Variants in BMPR1B observed in about 807,000 individuals in gnomAD.
BMPR1B encodes the protein bone morphogenetic protein receptor type 1B.
Under a neutral mutation model 59.1 loss-of-function variants are expected in BMPR1B, and 12 were observed. The ratio of observed to expected loss-of-function variants is 0.20; its 90% CI spans 0.13 to 0.33. BMPR1B has a LOEUF of 0.33. BMPR1B is among the 10% of genes least tolerant of loss of function. The pLI is 1.00. For synonymous variants in BMPR1B, 237 were observed against 207.3 expected (o/e 1.14, Z -1.23); for missense variants, 550 against 610.9 (o/e 0.90, Z 1.05).
rs543492240 is a variant in BMPR1B, at chr4:95,109,743, C to T, written c.144-4977C>T. On this transcript the variant is annotated intron_variant, in intron 4 of 12. Transcript: ENST00000515059. ...TTATTATACTTTAAGTTTTAGGGGA[C>T]GTGTGCACAATGTGCAGCTTTGTTA... is the stretch of plus-strand genomic sequence containing the variant. Among the ~76,000 whole-genome samples, 54 of 151,238 alleles carry T rather than the reference C, an allele frequency of 3.6e-4. No homozygotes were observed. In the South Asian group the frequency reaches 8.8e-3, roughly 25 times the overall value.
At chr4:95,115,498 G>C (rs1323907633) in intron 5 of BMPR1B, among the ~76,000 whole-genome samples, 187 bp from the exon 6 acceptor site, 4 of 152,148 alleles carry the variant, frequency 2.6e-5, no homozygotes, top group African/African-American at 9.7e-5. Flanking sequence ...TGCAAAAGTT[G>C]CAATAAGATA....
chr4:94,961,821 T>C (rs1730365070), intron 2 of BMPR1B, among the ~76,000 whole-genome samples: 1 of 152,328 alleles, frequency 6.6e-6, no homozygotes, highest in East Asian at 1.9e-4. Flanking sequence ...TTTTTATGAA[T>C]GCATAATAGT....
At chr4:94,994,489 C>T (rs1030040889) in intron 2 of BMPR1B, among the ~76,000 whole-genome samples, 5 of 152,146 alleles carry the variant, frequency 3.3e-5, no homozygotes, top group African/African-American at 7.2e-5. Context: ...CTTCTTGCTA[C>T]GTTGTTTTAC....
At chr4:94,781,295 A>T (rs1188358860) in intron 1 of BMPR1B, among the ~76,000 whole-genome samples, 1 of 152,132 alleles carries the variant, frequency 6.6e-6, no homozygotes. Context: ...CACTTTCCAG[A>T]TGGTGTCCAT....
intron 3 of BMPR1B, among the ~76,000 whole-genome samples, chr4:95,083,379 C>T (rs556883660): frequency 9.4e-4 from 143 of 151,942 alleles, no homozygotes; most frequent in Non-Finnish European, 2.1e-4. Context: ...TGGTAAATAA[C>T]TATAATCTAT....
chr4:94,933,029 A>G (rs1729154348), intron 2 of BMPR1B, among the ~76,000 whole-genome samples: 1 of 152,132 alleles, frequency 6.6e-6, no homozygotes, highest in African/African-American at 2.4e-5. Context: ...CTACCCAAAG[A>G]TAACCTCTGT....
intron 2 of BMPR1B, among the ~76,000 whole-genome samples, chr4:94,906,046 C>T (rs575880556): frequency 1.3e-5 from 2 of 151,110 alleles, no homozygotes; most frequent in Non-Finnish European, 2.9e-5. Flanking sequence ...AAGGTTTGTT[C>T]TGTTTTTGTC....
chr4:94,967,703 C>T (rs936053297), intron 2 of BMPR1B, among the ~76,000 whole-genome samples: 1 of 151,994 alleles, frequency 6.6e-6, no homozygotes, highest in Non-Finnish European at 1.5e-5. Context: ...AGGCTGGTCT[C>T]GAACTCCTGA....
At chr4:94,975,625 A>G (rs1238546322) in intron 2 of BMPR1B, among the ~76,000 whole-genome samples, 1 of 151,798 alleles carries the variant, frequency 6.6e-6, no homozygotes, top group Non-Finnish European at 1.5e-5. Flanking sequence ...GGCTCAAGCA[A>G]TCCACCCACC....
At chr4:94,917,658 G>T (rs910553763) in intron 2 of BMPR1B, among the ~76,000 whole-genome samples, 1 of 152,128 alleles carries the variant, frequency 6.6e-6, no homozygotes, top group East Asian at 1.9e-4. Context: ...TTACAGGCTC[G>T]TAGGCAGAAG....
At chr4:94,890,612 TTTA>T (rs1233425565) in intron 2 of BMPR1B, among the ~76,000 whole-genome samples, 4 of 152,034 alleles carry the variant, frequency 2.6e-5, no homozygotes, top group Non-Finnish European at 5.9e-5. Flanking sequence ...ACAACAGAAG[TTTA>T]TTTTTTTCCA....
rs562713657 is a variant in BMPR1B, at chr4:94,937,082, T to C, written c.-112-58958T>C. ...GCTGCCATTCTAGCCTTGTTACTTG[T>C]CACCACCCTTTCTATACCTGTACTT... On this transcript the variant is annotated intron_variant, in intron 2 of 12. Coordinates refer to ENST00000515059, the MANE Select transcript of BMPR1B (RefSeq NM_001203.3). Among the ~76,000 whole-genome samples the C allele has an allele frequency of 2.0e-5, 3 of 152,266 alleles. No individual in the cohort carries two copies. In the South Asian group the frequency reaches 6.2e-4, roughly 32 times the overall value.
chr4:94,896,096 G>A (rs1005581621), intron 2 of BMPR1B, among the ~76,000 whole-genome samples: 2 of 151,958 alleles, frequency 1.3e-5, no homozygotes, highest in African/African-American at 4.8e-5. Flanking sequence ...CGTACTCCTA[G>A]TTAAAAGCTC....
At position 95,100,680 on chromosome 4, in the gene BMPR1B, T is replaced by C. The variant is rs1367654864; in HGVS notation, c.-17-3728T>C. On this transcript the variant is annotated intron_variant, in intron 3 of 12. Coordinates refer to ENST00000515059, the MANE Select transcript of BMPR1B (RefSeq NM_001203.3). ...CTTTCTAGAGCTAATATTATTCAGA[T>C]GTTAAATCTGGATTCATGCTCTAAG... Among the ~76,000 whole-genome samples the C allele has an allele frequency of 4.6e-5, 7 of 152,290 alleles. No individual in the cohort carries two copies. The South Asian group carries it at 8.3e-4, about 18-fold the overall frequency.
At chr4:95,132,426 C>T (rs771738340) in intron 10 of BMPR1B, among the ~76,000 whole-genome samples, 2 of 152,076 alleles carry the variant, frequency 1.3e-5, no homozygotes, top group Non-Finnish European at 2.9e-5. Context: ...TATTTTCGGC[C>T]AGAACTGAAG....
chr4:94,824,278 C>T (rs879772380), intron 1 of BMPR1B, among the ~76,000 whole-genome samples: 6 of 152,298 alleles, frequency 3.9e-5, no homozygotes, highest in Non-Finnish European at 7.4e-5. Flanking sequence ...CCTTCCCCAC[C>T]GTAACTTTTT....
chr4:94,945,029 A>G (rs948132096), intron 2 of BMPR1B, among the ~76,000 whole-genome samples: 3 of 152,186 alleles, frequency 2.0e-5, no homozygotes, highest in African/African-American at 7.2e-5. Context: ...CAGCTGTGAA[A>G]CTGTTAACAG....
At chr4:95,034,843 A>C (rs1056150243) in intron 3 of BMPR1B, among the ~76,000 whole-genome samples, 11 of 152,064 alleles carry the variant, frequency 7.2e-5, no homozygotes, top group African/African-American at 2.4e-4. Context: ...TAGTTCTATA[A>C]GGAATTTCCA....
rs55980670 is a variant in BMPR1B at position 95,123,890 on chromosome 4, T to A, written c.430T>A (p.Leu144Ile). ...TAGTTTGCTCTTGGTCCTTATCATATTATTTTGTTACTTCCGGTAAGTTTC... is the reference window on the plus strand; with the variant it reads ...TAGTTTGCTCTTGGTCCTTATCATAATATTTTGTTACTTCCGGTAAGTTTC... ...VCSLLLVLII[L>I]FCYFRYKRQE... Residue 144 changes from leucine to isoleucine, a missense_variant, in exon 7 of 13, where the codon TTA becomes ATA. Coordinates refer to ENST00000515059, the MANE Select transcript of BMPR1B (RefSeq NM_001203.3). The A allele has an allele frequency of 1.2e-6, 2 of 1,610,660 alleles. No homozygotes were observed. Among genetic ancestry groups the A allele is most frequent in the Non-Finnish European group, 1.7e-6 (2 of 1,177,954 alleles).
Sources: allele counts gnomAD v4.1 joint callset (sites outside exome capture counted in the v4.1 genomes callset), GRCh38; gene constraint gnomAD v4.1.1; transcripts MANE v1.5; gene names NCBI Gene and HGNC (gene_info 2026-07-23, HGNC 2026-07-21).